Variants in TPCN2 observed in about 807,000 individuals in gnomAD.
The protein encoded by TPCN2 is two pore channel protein 2.
Under a neutral mutation model 111.4 loss-of-function variants are expected in TPCN2, and 92 were observed. The ratio of observed to expected loss-of-function variants is 0.83; its 90% CI spans 0.70 to 0.98. The LOEUF is 0.98. Among genes scored for constraint, TPCN2 ranks in the 50% least tolerant of loss-of-function variants. The pLI is 0.00. For missense variants in TPCN2, 995 were observed against 980.1 expected, an observed-to-expected ratio of 1.02 and a Z score of -0.20; for synonymous variants, 405 against 414.5, an observed-to-expected ratio of 0.98 and a Z score of 0.28.
rs1565078563 is a variant in TPCN2, at chr11:69,054,077, T to C, written c.154T>C (p.Phe52Leu). The C allele has an allele frequency of 3.1e-6, 5 of 1,613,750 alleles. No individual in the cohort carries two copies. The highest frequency in any genetic ancestry group is 4.2e-6 in the Non-Finnish European group (5 of 1,179,958). Reference protein sequence around the residue: ...WDLCIDQAVVFIEDAIQYRSI... With the variant: ...WDLCIDQAVVLIEDAIQYRSI... The stretch of plus-strand genomic sequence containing the variant: ...CCTCTGCATTGATCAGGCTGTGGTC[T>C]TCATCGAAGATGCTATTCAGGTCGG... The change falls in exon 2 of 25, where the codon TTC becomes CTC. Residue 52 changes from phenylalanine (F) to leucine (L), a missense_variant. By Grantham distance (22) the Phe-to-Leu change is conservative (BLOSUM62 0). Coordinates refer to ENST00000294309, the MANE Select transcript of TPCN2 (RefSeq NM_139075.4).
chr11:69,079,237 T>A, intron 16 of TPCN2: 1 of 597,952 alleles, frequency 1.7e-6, no homozygotes, highest in Non-Finnish European at 2.8e-6. Context: ...TGCATCCGAG[T>A]GTCATGGGGG....
chr11:69,064,821 C>T (rs1252982799), intron 7 of TPCN2, among the ~76,000 whole-genome samples: 1 of 152,128 alleles, frequency 6.6e-6, no homozygotes, highest in Non-Finnish European at 1.5e-5. Context: ...GTGGAGTCTG[C>T]ATGTCTGTGT....
intron 13 of TPCN2, among the ~76,000 whole-genome samples, chr11:69,075,908 A>G (rs1468969294): frequency 6.6e-6 from 1 of 152,260 alleles, no homozygotes; most frequent in Non-Finnish European, 1.5e-5. Context: ...ACCCAGAGAC[A>G]AGCACTTTAG....
At chr11:69,070,625 C>T in intron 9 of TPCN2, 130 bp downstream of exon 9, 2 of 671,862 alleles carry the variant, frequency 3.0e-6, no homozygotes, top group East Asian at 2.9e-5. Flanking sequence ...CCCCAGGGAT[C>T]CCCTGCCAAC....
intron 7 of TPCN2, among the ~76,000 whole-genome samples, chr11:69,066,832 A>G (rs2134567163): frequency 6.6e-6 from 1 of 152,190 alleles, no homozygotes; most frequent in Admixed American, 6.5e-5. Flanking sequence ...GGTGCCCATG[A>G]GCCTGGCCCC....
At chr11:69,070,368 C>A in intron 8 of TPCN2, 62 bp from the exon 9 acceptor site, 1 of 1,323,742 alleles carries the variant, frequency 7.6e-7, no homozygotes, top group South Asian at 1.2e-5. Context: ...AGTGTAGCGT[C>A]AGGATGGGAG....
intron 10 of TPCN2, 140 bp from the exon 11 acceptor site, chr11:69,071,783 G>GC: frequency 1.4e-6 from 1 of 714,800 alleles, no homozygotes; most frequent in Non-Finnish European, 2.4e-6. Context: ...GTGAGGGGCT[G>GC]CCCCCAGGCT....
chr11:69,067,560 C>CT lies in TPCN2; in HGVS notation c.785dup (p.Thr263AspfsTer77), dbSNP rs1190908632. 1.2e-6 allele frequency: 2 copies of CT among 1,614,074 alleles called. No homozygotes were observed. The highest frequency in any genetic ancestry group is 3.3e-5 in the Admixed American group (2 of 60,036). On this transcript the variant is annotated frameshift_variant, in exon 8 of 25. Coordinates refer to ENST00000294309, the MANE Select transcript of TPCN2 (RefSeq NM_139075.4). LOFTEE classifies it high-confidence loss of function. ...CTACTTCCAGAACCTGCCTGAGTCT[C>CT]TGACTTCCCTCCTGGTGCTGCTGAC...
At position 69,086,685 on chromosome 11, in the gene TPCN2, G is replaced by C. The variant is rs556699850; in HGVS notation, c.2085+81G>C. 7 of 1,373,626 alleles carry C rather than the reference G, an allele frequency of 5.1e-6. No homozygotes were observed. The East Asian group carries it at 6.9e-5, about 14-fold the overall frequency. 85.1% of individuals were successfully genotyped at this position (1,373,626 alleles called of 1,614,324 possible). On this transcript the variant is annotated intron_variant, in intron 23 of 24. Transcript: ENST00000294309. Reference sequence around the variant, plus strand: ...CTCGATGGGCCTGAGGCCACCGGCCGGGCCTGCCTGGAACTTTGATGGGAG... The same window carrying C: ...CTCGATGGGCCTGAGGCCACCGGCCCGGCCTGCCTGGAACTTTGATGGGAG...
At chr11:69,081,592 G>C (rs116438521) in intron 18 of TPCN2, 93 bp downstream of exon 18, 4 of 940,782 alleles carry the variant, frequency 4.3e-6, no homozygotes, top group Non-Finnish European at 6.3e-6. Flanking sequence ...GGAAGGGCCC[G>C]AGGACTGTGC....
In TPCN2 at chr11:69,078,806, C is replaced by G. The variant is rs766941681; in HGVS notation, c.1410+13C>G. 5.0e-6 allele frequency: 8 copies of G among 1,613,998 alleles called. No homozygotes were observed. Among genetic ancestry groups the G allele is most frequent in the African/African-American group, 4.0e-5 (3 of 74,938 alleles). On this transcript the variant is annotated intron_variant, in intron 15 of 24. Coordinates refer to ENST00000294309, the MANE Select transcript of TPCN2 (RefSeq NM_139075.4). ...CTTCATCCTGGGGGTAAGTTCTGAGCTGTCCACCTGTCAGGGCCAGGGTGA... is the reference window on the plus strand; with the variant it reads ...CTTCATCCTGGGGGTAAGTTCTGAGGTGTCCACCTGTCAGGGCCAGGGTGA...
At chr11:69,059,971 A>T (rs1210402475) in intron 5 of TPCN2, among the ~76,000 whole-genome samples, 1 of 152,114 alleles carries the variant, frequency 6.6e-6, no homozygotes, top group East Asian at 1.9e-4. Context: ...TGGCTGAGGG[A>T]AGAGGCCTAG....
intron 6 of TPCN2, among the ~76,000 whole-genome samples, chr11:69,063,307 T>C (rs1336903346): frequency 6.6e-6 from 1 of 152,018 alleles, no homozygotes; most frequent in Non-Finnish European, 1.5e-5. Context: ...GGCTGTGCCC[T>C]GCCTCTCCCC....
chr11:69,078,691 C>T (rs1855890684), intron 14 of TPCN2, 43 bp from the exon 15 acceptor site: 1 of 1,613,504 alleles, frequency 6.2e-7, no homozygotes, highest in Non-Finnish European at 8.5e-7. Context: ...TCGCCCAGCG[C>T]TGTGCTGGGC....
chr11:69,085,556 C>G, intron 20 of TPCN2, 115 bp from the exon 21 acceptor site: 1 of 784,956 alleles, frequency 1.3e-6, no homozygotes, highest in Non-Finnish European at 2.2e-6. Flanking sequence ...GCCTCTGTAT[C>G]CCAATTTGTA....
intron 21 of TPCN2, 44 bp downstream of exon 21, chr11:69,085,796 TC>T: frequency 6.2e-7 from 1 of 1,612,892 alleles, no homozygotes; most frequent in African/African-American, 1.3e-5. Context: ...CCCGGGCTCC[TC>T]CCCTCCCTAC....
intron 13 of TPCN2, among the ~76,000 whole-genome samples, chr11:69,078,181 C>G (rs1239677593): frequency 6.8e-6 from 1 of 147,580 alleles, no homozygotes; most frequent in Non-Finnish European, 1.5e-5. Context: ...TTATATATAT[C>G]AGGGTGACAC....
chr11:69,067,924 G>A (rs988785991), intron 8 of TPCN2, among the ~76,000 whole-genome samples: 3 of 151,992 alleles, frequency 2.0e-5, no homozygotes, highest in Non-Finnish European at 2.9e-5. Flanking sequence ...CTGAGAAGCT[G>A]AAAGTGGCTG....
intron 22 of TPCN2, 118 bp from the exon 23 acceptor site, chr11:69,086,405 C>A: frequency 1.2e-6 from 1 of 828,630 alleles, no homozygotes; most frequent in Non-Finnish European, 2.1e-6. Context: ...CGCTCTGCAT[C>A]ATGGTGTGTG....
Sources: allele counts gnomAD v4.1 joint callset (sites outside exome capture counted in the v4.1 genomes callset), GRCh38; gene constraint gnomAD v4.1.1; transcripts MANE v1.5; gene names NCBI Gene and HGNC (gene_info 2026-07-23, HGNC 2026-07-21).